Variants in PLXDC2 observed in about 807,000 individuals in gnomAD.
PLXDC2 encodes plexin domain-containing protein 2.
Under a neutral mutation model 68.9 loss-of-function variants are expected in PLXDC2, and 40 were observed. That is an observed-to-expected ratio of 0.58 (90% CI 0.45 to 0.76). PLXDC2 has a LOEUF of 0.76. PLXDC2 is among the 30% of genes least tolerant of loss of function. The pLI, the probability that PLXDC2 is intolerant of heterozygous loss-of-function variation, is 0.00. For synonymous variants in PLXDC2, 243 were observed against 234.2 expected (o/e 1.04, Z -0.34); for missense variants, 644 against 661.9 (o/e 0.97, Z 0.30).
intron 4 of PLXDC2, among the ~76,000 whole-genome samples, chr10:20,089,169 C>CGTGTGTGTGT (rs34167804): frequency 4.2e-5 from 6 of 142,588 alleles, no homozygotes; most frequent in East Asian, 2.0e-4. Context: ...CCTGTATATA[C>CGTGTGTGTGT]GTGTGTGTGT....
intron 1 of PLXDC2, among the ~76,000 whole-genome samples, chr10:19,895,314 T>A (rs906375669): frequency 2.0e-5 from 3 of 152,244 alleles, no homozygotes; most frequent in Admixed American, 2.0e-4. Flanking sequence ...GTGAACAGTA[T>A]CAAAATGTTT....
intron 2 of PLXDC2, among the ~76,000 whole-genome samples, chr10:20,017,084 G>C (rs1041469783): frequency 3.9e-5 from 6 of 152,220 alleles, no homozygotes; most frequent in African/African-American, 1.2e-4. Flanking sequence ...TGGAGAAAGA[G>C]AGAGGCAGAG....
intron 1 of PLXDC2, among the ~76,000 whole-genome samples, chr10:19,980,205 T>C (rs546772378): frequency 4.6e-5 from 7 of 152,364 alleles, no homozygotes; most frequent in Non-Finnish European, 8.8e-5. Context: ...ATTTCTTTTA[T>C]GCTTAAATGA....
intron 4 of PLXDC2, among the ~76,000 whole-genome samples, chr10:20,108,501 C>G (rs1589633054): frequency 6.6e-6 from 1 of 152,062 alleles, no homozygotes; most frequent in Admixed American, 6.5e-5. Flanking sequence ...GTACAGTAGA[C>G]AGTGGATACG....
chr10:19,929,005 T>A (rs1833584778), intron 1 of PLXDC2, among the ~76,000 whole-genome samples: 1 of 151,418 alleles, frequency 6.6e-6, no homozygotes, highest in African/African-American at 2.4e-5. Context: ...TTCGCCCACT[T>A]CGGCCTCCCA....
At chr10:20,160,186 G>A (rs1834272375) in intron 6 of PLXDC2, among the ~76,000 whole-genome samples, 1 of 152,082 alleles carries the variant, frequency 6.6e-6, no homozygotes, top group South Asian at 2.1e-4. Flanking sequence ...GCCTTTTGGG[G>A]AAAATAATTT....
At position 20,046,907 on chromosome 10, in the gene PLXDC2, T is replaced by C. The variant is rs759234027; in HGVS notation, c.363T>C (p.Tyr121=). 1.2e-6 allele frequency: 2 copies of C among 1,612,492 alleles called. No homozygotes were observed. The highest frequency in any genetic ancestry group is 1.3e-5 in the African/African-American group (1 of 74,866). The change falls in exon 3 of 14, where the codon TAT becomes TAC. Residue 121 remains tyrosine (Y), a synonymous_variant. Transcript: ENST00000377252. The part of the protein sequence containing the change: ...TDHNYYISRI[Y]GPSDSASRDL... ...ACAATTACTATATATCTCGAATATA[T>C]GGTCCATCTGATTCTGCCAGCCGGG...
intron 9 of PLXDC2, among the ~76,000 whole-genome samples, chr10:20,189,672 C>A (rs1373813378): frequency 6.6e-6 from 1 of 150,704 alleles, no homozygotes; most frequent in Non-Finnish European, 1.5e-5. Flanking sequence ...TGCTGCATAA[C>A]TTTCCTCTGG....
rs539517396 is a variant in PLXDC2, at chr10:20,094,801, A to G, written c.541+26562A>G. ...CAAATATTGAGATCATTCATGTGGAAGACTTTTTCCTCTGGGACTCATGTC... is the reference window on the plus strand; with the variant it reads ...CAAATATTGAGATCATTCATGTGGAGGACTTTTTCCTCTGGGACTCATGTC... On this transcript the variant is annotated intron_variant, in intron 4 of 13. Transcript: ENST00000377252. Among the ~76,000 whole-genome samples the G allele has an allele frequency of 4.6e-5, 7 of 152,296 alleles. No individual in the cohort carries two copies. In the East Asian group the frequency reaches 1.3e-3, roughly 29 times the overall value.
At chr10:20,076,198 G>A (rs1303879200) in intron 4 of PLXDC2, among the ~76,000 whole-genome samples, 1 of 152,148 alleles carries the variant, frequency 6.6e-6, no homozygotes, top group Non-Finnish European at 1.5e-5. Context: ...AAATAGTGCA[G>A]GACTGACATT....
At chr10:20,038,205 C>T (rs1246143297) in intron 2 of PLXDC2, among the ~76,000 whole-genome samples, 2 of 151,412 alleles carry the variant, frequency 1.3e-5, no homozygotes, top group Non-Finnish European at 2.9e-5. Flanking sequence ...CACCGCATTC[C>T]AGCCTGGGTG....
rs1835132446 is a variant in PLXDC2 at position 20,012,333 on chromosome 10, T to TTTAGA, written c.324+10348_324+10349insTAGAT. ...TTATTTTTTTTTTTTTTTTTTTTTT[T>TTTAGA]TGGAGAAGGAGACTTGCTGTGTTTC... On this transcript the variant is annotated intron_variant, in intron 2 of 13. Coordinates refer to ENST00000377252, the MANE Select transcript of PLXDC2 (RefSeq NM_032812.9). 1.1e-4 allele frequency among the ~76,000 whole-genome samples: 4 copies of TTTAGA among 35,280 alleles called. 2 individuals carry two copies. The highest frequency in any genetic ancestry group is 2.7e-3 in the South Asian group (2 of 748). The allele number at this position is 35,280 out of a possible 152,430, so 23.1% of individuals were successfully genotyped here.
intron 4 of PLXDC2, among the ~76,000 whole-genome samples, chr10:20,142,102 G>A (rs1288497458): frequency 6.6e-6 from 1 of 152,004 alleles, no homozygotes; most frequent in Non-Finnish European, 1.5e-5. Context: ...AACTTACCTA[G>A]ACATCACAAT....
At chr10:19,942,515 C>T (rs1426671954) in intron 1 of PLXDC2, among the ~76,000 whole-genome samples, 3 of 152,304 alleles carry the variant, frequency 2.0e-5, no homozygotes, top group African/African-American at 7.2e-5. Context: ...ATAATCCCAG[C>T]ACTTTGGGAG....
intron 1 of PLXDC2, among the ~76,000 whole-genome samples, chr10:19,989,887 T>C (rs761363816): frequency 2.4e-4 from 36 of 151,806 alleles, no homozygotes; most frequent in Non-Finnish European, 4.7e-4. Flanking sequence ...GTAGCTGTGA[T>C]TGCAAGCATT....
rs75471463 is a variant in PLXDC2, at chr10:19,878,960, T to C, written c.112+61769T>C. ...AGAGGGTTTCTCCTCCACAAAGGTA[T>C]AGAATATTTCCTTTTTAGCTTAGTC... On this transcript the variant is annotated intron_variant, in intron 1 of 13. Coordinates refer to ENST00000377252, the MANE Select transcript of PLXDC2 (RefSeq NM_032812.9). Among the ~76,000 whole-genome samples the C allele has an allele frequency of 4.9e-3, 753 of 152,322 alleles. 6 individuals carry two copies. Among genetic ancestry groups the C allele is most frequent in the African/African-American group, 0.016 (662 of 41,572 alleles).
At chr10:20,250,014 T>A (rs1337713044) in intron 13 of PLXDC2, among the ~76,000 whole-genome samples, 6 of 152,012 alleles carry the variant, frequency 3.9e-5, no homozygotes, top group Admixed American at 3.3e-4. Context: ...ACGCCTCTAA[T>A]CCCAGCACTT....
chr10:20,166,780 A>C (rs968406294), intron 7 of PLXDC2, among the ~76,000 whole-genome samples: 1 of 152,186 alleles, frequency 6.6e-6, no homozygotes, highest in African/African-American at 2.4e-5. Flanking sequence ...ATGTTGGTAT[A>C]TTCCCAATGA....
At chr10:19,958,943 C>A (rs1834113335) in intron 1 of PLXDC2, among the ~76,000 whole-genome samples, 1 of 152,140 alleles carries the variant, frequency 6.6e-6, no homozygotes, top group Non-Finnish European at 1.5e-5. Flanking sequence ...AACAGGAAAT[C>A]TTGAGTGATC....
Sources: gnomAD v4.1 joint callset for allele counts (sites outside exome capture counted in the v4.1 genomes callset) on GRCh38, gnomAD v4.1.1 for gene constraint, MANE v1.5 for transcripts, NCBI Gene and HGNC (gene_info 2026-07-23, HGNC 2026-07-21) for gene names.